Variants in KCNJ16 observed in about 807,000 individuals in gnomAD.
The protein encoded by KCNJ16 is inward rectifier potassium channel 16.
KCNJ16 carries 15 observed loss-of-function variants against 18.5 expected under a neutral mutation model. That is an observed-to-expected ratio of 0.81 (90% CI 0.54 to 1.25). The LOEUF (loss-of-function observed/expected upper bound fraction) is 1.25. Among genes scored for constraint, KCNJ16 ranks in the 50% most tolerant of loss-of-function variants. The pLI, the probability that KCNJ16 is intolerant of heterozygous loss-of-function variation, is 0.00. For missense variants in KCNJ16, 523 were observed against 525.7 expected (o/e 0.99, Z 0.05); for synonymous variants, 174 against 186.5 (o/e 0.93, Z 0.55).
At chr17:70,106,226 T>C (rs917093072) in intron 2 of KCNJ16, among the ~76,000 whole-genome samples, 20 of 152,156 alleles carry the variant, frequency 1.3e-4, no homozygotes, top group Non-Finnish European at 2.9e-4. Flanking sequence ...ATTATTTTTT[T>C]TAAAAAAGAT....
At chr17:70,109,292 T>C (rs1567793855) in intron 2 of KCNJ16, among the ~76,000 whole-genome samples, 1 of 152,174 alleles carries the variant, frequency 6.6e-6, no homozygotes, top group Non-Finnish European at 1.5e-5. Context: ...ATAATATTGA[T>C]CCCTTGTTCT....
chr17:70,078,747 T>C (rs1157323761), intron 1 of KCNJ16, among the ~76,000 whole-genome samples: 6 of 152,104 alleles, frequency 3.9e-5, no homozygotes, highest in Non-Finnish European at 8.8e-5. Context: ...TGTCTGTAAA[T>C]AATTAAGAGC....
chr17:70,076,453 T>C (rs901927395), intron 1 of KCNJ16, among the ~76,000 whole-genome samples: 4 of 3,734 alleles, frequency 1.1e-3, no homozygotes, highest in African/African-American at 3.0e-3. Flanking sequence ...TCAATTCAAA[T>C]CAAAAGAGAG....
intron 1 of KCNJ16, among the ~76,000 whole-genome samples, chr17:70,084,094 A>G (rs1276764042): frequency 6.6e-6 from 1 of 152,232 alleles, no homozygotes; most frequent in African/African-American, 2.4e-5. Flanking sequence ...GTGCCAGTAT[A>G]TCAGTGACAA....
At position 70,092,576 on chromosome 17, in the gene KCNJ16, T is replaced by C. The variant is rs1226893519; in HGVS notation, c.-299-8082T>C. On this transcript the variant is annotated intron_variant, in intron 1 of 3. Transcript: ENST00000392671. ...TAGATAGATGATAGATATAGATAGA[T>C]AGATAGATAGATAGATAGATAGATA... 3.3e-4 allele frequency among the ~76,000 whole-genome samples: 50 copies of C among 150,164 alleles called. No individual in the cohort carries two copies. In the East Asian group the frequency reaches 9.4e-3, roughly 28 times the overall value.
chr17:70,081,252 G>A (rs17774014), intron 1 of KCNJ16, among the ~76,000 whole-genome samples: 13,951 of 152,126 alleles, frequency 0.092, 668 homozygotes, highest in African/African-American at 0.12. Flanking sequence ...AGGAGAACGT[G>A]GAGTGGCTAA....
chr17:70,122,930 C>T (rs576247533), intron 2 of KCNJ16, among the ~76,000 whole-genome samples: 2 of 152,324 alleles, frequency 1.3e-5, no homozygotes, highest in African/African-American at 2.4e-5. Flanking sequence ...CTGATACCTT[C>T]TCTGGCCTCA....
At chr17:70,078,254 A>G (rs1293816151) in intron 1 of KCNJ16, among the ~76,000 whole-genome samples, 1 of 152,112 alleles carries the variant, frequency 6.6e-6, no homozygotes, top group Non-Finnish European at 1.5e-5. Context: ...CCCTCCTAAA[A>G]CTAGATCTGA....
chr17:70,078,079 A>G (rs1446243531), intron 1 of KCNJ16, among the ~76,000 whole-genome samples: 1 of 152,066 alleles, frequency 6.6e-6, no homozygotes, highest in East Asian at 1.9e-4. Flanking sequence ...ATTTTTTTGT[A>G]TAGCTGCTTT....
At chr17:70,108,109 C>A (rs561327259) in intron 2 of KCNJ16, among the ~76,000 whole-genome samples, 71 of 152,288 alleles carry the variant, frequency 4.7e-4, no homozygotes, top group African/African-American at 1.7e-3. Flanking sequence ...GTCTCTACTG[C>A]ATGAATACAG....
chr17:70,085,981 C>T (rs149215008), intron 1 of KCNJ16, among the ~76,000 whole-genome samples: 7 of 152,226 alleles, frequency 4.6e-5, no homozygotes, highest in East Asian at 3.9e-4. Flanking sequence ...ATGGTCCCAA[C>T]GACAGATGGA....
chr17:70,130,844 G>A (rs1351628308), intron 2 of KCNJ16, 35 bp from the exon 3 acceptor site: 8 of 897,810 alleles, frequency 8.9e-6, no homozygotes. Flanking sequence ...GTTAAAATTG[G>A]CTACAATACT....
chr17:70,087,247 A>T (rs1472624624), intron 1 of KCNJ16, among the ~76,000 whole-genome samples: 1 of 152,116 alleles, frequency 6.6e-6, no homozygotes, highest in Non-Finnish European at 1.5e-5. Flanking sequence ...AATTCTTATT[A>T]TGGCAATAGG....
At chr17:70,123,154 C>T (rs921374307) in intron 2 of KCNJ16, among the ~76,000 whole-genome samples, 3 of 152,152 alleles carry the variant, frequency 2.0e-5, no homozygotes, top group Non-Finnish European at 2.9e-5. Context: ...TCTTTACCTA[C>T]GAGATATTCT....
chr17:70,128,834 G>A (rs567050115), intron 2 of KCNJ16: 1 of 152,246 alleles, frequency 6.6e-6, no homozygotes. Context: ...CTGTTCTAAT[G>A]AGCGCCTGGG....
At chr17:70,094,475 G>A (rs2072261615) in intron 1 of KCNJ16, among the ~76,000 whole-genome samples, 1 of 152,074 alleles carries the variant, frequency 6.6e-6, no homozygotes, top group Non-Finnish European at 1.5e-5. Flanking sequence ...AATTGTAAAA[G>A]TTGAAAGAAC....
intron 2 of KCNJ16, among the ~76,000 whole-genome samples, chr17:70,121,295 T>C (rs1049527885): frequency 2.0e-5 from 3 of 152,158 alleles, no homozygotes; most frequent in African/African-American, 7.2e-5. Flanking sequence ...TATTTTGGGG[T>C]GGCATTTCCT....
In KCNJ16 at chr17:70,132,390, T is replaced by A. The variant is rs952394942; in HGVS notation, c.303T>A (p.Asp101Glu). ...VFWLIAFHHG[D>E]LLNDPDITPC... ...GGCTCATAGCCTTTCATCATGGCGA[T>A]CTATTAAATGATCCAGACATCACAC... Residue 101 changes from aspartate (D) to glutamate (E), a missense_variant, in exon 4 of 4, where the codon GAT becomes GAA. Coordinates refer to ENST00000392671, the MANE Select transcript of KCNJ16 (RefSeq NM_170741.4). 2.5e-6 allele frequency: 4 copies of A among 1,614,108 alleles called. No individual in the cohort carries two copies. Among genetic ancestry groups the A allele is most frequent in the Non-Finnish European group, 3.4e-6 (4 of 1,180,048 alleles).
chr17:70,111,671 C>T (rs892023365), intron 2 of KCNJ16, among the ~76,000 whole-genome samples: 5 of 152,010 alleles, frequency 3.3e-5, no homozygotes, highest in Admixed American at 1.3e-4. Flanking sequence ...TCCCATAATT[C>T]CCATGTGTGT....
Sources: allele counts gnomAD v4.1 joint callset (sites outside exome capture counted in the v4.1 genomes callset), GRCh38; gene constraint gnomAD v4.1.1; transcripts MANE v1.5; gene names NCBI Gene and HGNC (gene_info 2026-07-23, HGNC 2026-07-21).